Variants in NLRP3 observed in about 807,000 individuals in gnomAD.
The protein encoded by NLRP3 is NACHT, LRR and PYD domains-containing protein 3.
In NLRP3, 48 loss-of-function variants were observed where a neutral mutation model predicts 91.3. The ratio of observed to expected loss-of-function variants is 0.53; its 90% CI spans 0.42 to 0.67. NLRP3 has a LOEUF of 0.67. NLRP3 is among the 30% of genes least tolerant of loss of function. NLRP3 has a pLI of 0.00. For missense variants in NLRP3, 982 were observed against 1,276.9 expected, an observed-to-expected ratio of 0.77 and a Z score of 3.52; for synonymous variants, 561 against 507.9, an observed-to-expected ratio of 1.10 and a Z score of -1.41.
chr1:247,442,969 C>T (rs764804519), intron 7 of NLRP3, among the ~76,000 whole-genome samples: 3 of 152,026 alleles, frequency 2.0e-5, no homozygotes, highest in Non-Finnish European at 2.9e-5. Flanking sequence ...ACTTTGTTGC[C>T]CAGGTTGAAG....
rs1349148359 is a variant in NLRP3 at position 247,419,078 on chromosome 1, G to A, written c.277+1G>A. ...GCAAAAAGAGATGAGCCGAAGTGGG[G>A]TGAGTGGAAGGAAGACTTTTAAAAA... On this transcript the variant is annotated splice_donor_variant, in intron 2 of 9. Transcript: ENST00000336119. LOFTEE classifies it high-confidence loss of function. The A allele has an allele frequency of 6.2e-7, 1 of 1,608,702 alleles. No homozygotes were observed. Among genetic ancestry groups the A allele is most frequent in the South Asian group, 1.1e-5 (1 of 91,018 alleles).
rs143175395 is a variant in NLRP3, at chr1:247,434,214, C to T, written c.2433C>T (p.Phe811=). 52 of 1,614,240 alleles carry T rather than the reference C, an allele frequency of 3.2e-5. No homozygotes were observed. Among genetic ancestry groups the T allele is most frequent in the Admixed American group, 8.3e-5 (5 of 60,030 alleles). Residue 811 remains phenylalanine, a synonymous_variant, in exon 6 of 10, where the codon TTC becomes TTT. Transcript: ENST00000336119. ...TGAGTGACAACGCCCTCGGTGACTT[C>T]GGAATCAGACTTCTGTGTGTGGGAC... is the stretch of plus-strand genomic sequence containing the variant. ...LDLSDNALGD[F]GIRLLCVGLK...
rs201490700 is a variant in NLRP3, at chr1:247,444,830, G to A, written c.3005+9G>A. ...CTCCTGCAGAACCTGGGGTGAGTGT[G>A]CTCTGCAGAGATGCCCGTGGTGGGA... is the stretch of plus-strand genomic sequence containing the variant. On this transcript the variant is annotated intron_variant, in intron 9 of 9. Transcript: ENST00000336119. 5.0e-6 allele frequency: 8 copies of A among 1,613,464 alleles called. No homozygotes were observed. The highest frequency in any genetic ancestry group is 1.1e-5 in the South Asian group (1 of 91,034).
chr1:247,419,754 C>T (rs1299875856), intron 2 of NLRP3, among the ~76,000 whole-genome samples: 1 of 152,106 alleles, frequency 6.6e-6, no homozygotes, highest in Admixed American at 6.5e-5. Context: ...GTCGGAATTC[C>T]CTTCCTTTAA....
In NLRP3 at chr1:247,429,756, G is replaced by A; in HGVS notation, c.2321+1G>A. The A allele has an allele frequency of 1.2e-6, 2 of 1,613,478 alleles. No individual in the cohort carries two copies. Among genetic ancestry groups the A allele is most frequent in the Non-Finnish European group, 8.5e-7 (1 of 1,179,982 alleles). On this transcript the variant is annotated splice_donor_variant, in intron 5 of 9. Transcript: ENST00000336119. LOFTEE classifies it high-confidence loss of function. ...CTGGCTGTAACATTCGGAGATTGTG[G>A]TGAGTCCCCGTGCATGTGATCTGTG... is the stretch of plus-strand genomic sequence containing the variant.
intron 7 of NLRP3, among the ~76,000 whole-genome samples, chr1:247,438,089 C>A (rs1335993835): frequency 1.3e-5 from 2 of 152,206 alleles, no homozygotes; most frequent in South Asian, 4.1e-4. Context: ...ACAAACAGAG[C>A]GGCCTAAACA....
Position 247,434,104 on chromosome 1 carries a change from T to A in NLRP3, c.2323T>A (p.Leu775Met). 3 of 1,342,188 alleles carry A rather than the reference T, an allele frequency of 2.2e-6. No individual in the cohort carries two copies. Among genetic ancestry groups the A allele is most frequent in the Non-Finnish European group, 2.9e-6 (3 of 1,020,888 alleles). The allele number at this position is 1,342,188 out of a possible 1,614,324, so 83.1% of individuals were successfully genotyped here. Residue 775 changes from leucine (L) to methionine (M), a missense_variant and splice_region_variant, in exon 6 of 10, where the codon TTG becomes ATG. By Grantham distance (15) the Leu-to-Met change is conservative. Transcript: ENST00000336119. ...HPGCNIRRLW[L>M]GRCGLSHECC... is the part of the protein sequence containing the mutation. ...TCTGCCTCTGTTCTTGGCATGAAGGTTGGGGCGCTGTGGCCTCTCGCATGA... is the reference window on the plus strand; with the variant it reads ...TCTGCCTCTGTTCTTGGCATGAAGGATGGGGCGCTGTGGCCTCTCGCATGA...
intron 5 of NLRP3, among the ~76,000 whole-genome samples, chr1:247,432,755 A>G (rs4925654): frequency 0.79 from 120,582 of 152,044 alleles, 47,868 homozygotes; most frequent in South Asian, 0.88. Context: ...CCTATGAACT[A>G]TTGCCCTGGA....
rs201466599 is a variant in NLRP3 at position 247,429,704 on chromosome 1, G to C, written c.2270G>C (p.Arg757Thr). ...AATTCTCTGGGGGACCCAGGGATGA[G>C]AGTGTTGTGTGAAACGCTCCAGCAT... ...SDNSLGDPGM[R>T]VLCETLQHPG... Residue 757 changes from arginine (R) to threonine (T), a missense_variant, in exon 5 of 10, where the codon AGA becomes ACA. By Grantham distance (71) the Arg-to-Thr change is moderately conservative. Coordinates refer to ENST00000336119, the MANE Select transcript of NLRP3 (RefSeq NM_001243133.2). 21 of 1,614,028 alleles carry C rather than the reference G, an allele frequency of 1.3e-5. No individual in the cohort carries two copies. Among genetic ancestry groups the C allele is most frequent in the African/African-American group, 1.2e-4 (9 of 74,908 alleles).
Position 247,435,681 on chromosome 1 carries a change from A to T in NLRP3, c.2493-289A>T, listed in dbSNP as rs148827142. 1.2e-4 allele frequency among the ~76,000 whole-genome samples: 19 copies of T among 152,328 alleles called. No individual in the cohort carries two copies. In the East Asian group the frequency reaches 3.7e-3, roughly 29 times the overall value. Reference sequence around the variant, plus strand: ...CAATGTGAAGTGCTTAAGGCCATTAATTGTGCACTTAAAAATGGTTAAAAT... The same window carrying T: ...CAATGTGAAGTGCTTAAGGCCATTATTTGTGCACTTAAAAATGGTTAAAAT... On this transcript the variant is annotated intron_variant, in intron 6 of 9. Transcript: ENST00000336119.
rs867522370 is a variant in NLRP3, at chr1:247,434,147, C to T, written c.2366C>T (p.Ser789Phe). 7 of 1,612,632 alleles carry T rather than the reference C, an allele frequency of 4.3e-6. No homozygotes were observed. Among genetic ancestry groups the T allele is most frequent in the South Asian group, 2.2e-5 (2 of 90,980 alleles). Residue 789 changes from serine to phenylalanine, a missense_variant, in exon 6 of 10, where the codon TCC becomes TTC. Ser to Phe is a radical substitution (Grantham distance 155). Transcript: ENST00000336119. ...GLSHECCFDI[S>F]LVLSSNQKLV... ...TCGCATGAGTGCTGCTTCGACATCT[C>T]CTTGGTCCTCAGCAGCAACCAGAAG...
At chr1:247,429,439 TG>T in intron 4 of NLRP3, 145 bp from the exon 5 acceptor site, 1 of 854,404 alleles carries the variant, frequency 1.2e-6, no homozygotes, top group Non-Finnish European at 2.0e-6. Context: ...TTCATTTCTC[TG>T]GGAACAATTT....
intron 2 of NLRP3, among the ~76,000 whole-genome samples, chr1:247,421,173 G>A (rs892344755): frequency 3.3e-5 from 5 of 152,228 alleles, no homozygotes; most frequent in Non-Finnish European, 7.3e-5. Flanking sequence ...AGGGCTCAGA[G>A]AAGGGCAGGG....
At chr1:247,444,602 A>G (rs201242749) in intron 8 of NLRP3, 49 bp from the exon 9 acceptor site, 6 of 1,600,382 alleles carry the variant, frequency 3.7e-6, no homozygotes, top group Admixed American at 3.3e-5. Context: ...TTGGGGAGCT[A>G]GGGGGATGGT....
intron 9 of NLRP3, among the ~76,000 whole-genome samples, chr1:247,448,180 G>T (rs1388560052): frequency 1.3e-5 from 2 of 151,400 alleles, no homozygotes; most frequent in Non-Finnish European, 2.9e-5. Context: ...AGGCATTCTT[G>T]AAGAAGGTGC....
At chr1:247,448,293 A>G (rs878903847) in intron 9 of NLRP3, 112 bp from the exon 10 acceptor site, 7 of 294,256 alleles carry the variant, frequency 2.4e-5, no homozygotes, top group Non-Finnish European at 4.1e-5. Flanking sequence ...TTTTTTTTAC[A>G]TTTTAGAAGT....
In NLRP3 at chr1:247,425,733, CTGTT is replaced by C. The variant is rs1217552519; in HGVS notation, c.2150+137_2150+140del. 7.5e-5 allele frequency: 59 copies of C among 781,802 alleles called. No individual in the cohort carries two copies. Among genetic ancestry groups the C allele is most frequent in the Non-Finnish European group, 2.4e-5 (11 of 463,452 alleles). The allele number at this position is 781,802 out of a possible 1,614,324, so 48.4% of individuals were successfully genotyped here. ...AGCTACATCATAATGCCACCACTGTCTGTTTGAGACTCCTTCATGAGCAAAGATT... is the reference window on the plus strand; with the variant it reads ...AGCTACATCATAATGCCACCACTGTCTGAGACTCCTTCATGAGCAAAGATT... On this transcript the variant is annotated intron_variant, in intron 4 of 9. Coordinates refer to ENST00000336119, the MANE Select transcript of NLRP3 (RefSeq NM_001243133.2). The surrounding 1 kb of genome is among the most constrained non-coding windows in gnomAD (Gnocchi z 4.1).
chr1:247,436,309 C>T lies in NLRP3; in HGVS notation c.2663+169C>T, dbSNP rs79954758. On this transcript the variant is annotated intron_variant, in intron 7 of 9. Coordinates refer to ENST00000336119, the MANE Select transcript of NLRP3 (RefSeq NM_001243133.2). ...TGGAGGCATATAATGTATACTGCTG[C>T]TAATAAGATAATTTATGCTAATTTA... Among the ~76,000 whole-genome samples, 1,072 of 152,272 alleles carry T rather than the reference C, an allele frequency of 7.0e-3. 12 individuals are homozygous for T. Among genetic ancestry groups the T allele is most frequent in the African/African-American group, 0.025 (1,023 of 41,540 alleles).
chr1:247,448,331 G>A (rs1664738140), intron 9 of NLRP3, 74 bp from the exon 10 acceptor site: 1 of 678,896 alleles, frequency 1.5e-6, no homozygotes, highest in African/African-American at 1.8e-5. Flanking sequence ...ATGAAGAGAT[G>A]AGACTTTTAA....
Sources: gnomAD v4.1 joint callset for allele counts (sites outside exome capture counted in the v4.1 genomes callset) on GRCh38, gnomAD v4.1.1 for gene constraint, Gnocchi (gnomAD v3.1) non-coding constraint, MANE v1.5 for transcripts, NCBI Gene and HGNC (gene_info 2026-07-23, HGNC 2026-07-21) for gene names.